The following FOXP1 variants were observed in gnomAD, a reference collection of about 807,000 sequenced individuals.
FOXP1 encodes forkhead box protein P1.
FOXP1 carries 15 observed loss-of-function variants against 98.2 expected under a neutral mutation model. The observed-to-expected ratio is 0.15, with a 90% confidence interval of 0.10 to 0.24. FOXP1 has a LOEUF of 0.24. Among genes scored for constraint, FOXP1 ranks in the 10% least tolerant of loss-of-function variants. The probability of loss-of-function intolerance (pLI) is 1.00; values close to 1 mark genes in which losing one functional copy is unlikely to be tolerated. For synonymous variants in FOXP1, 371 were observed against 314.5 expected, an observed-to-expected ratio of 1.18 and a Z score of -1.90; for missense variants, 633 against 848.5, an observed-to-expected ratio of 0.75 and a Z score of 3.15.
At chr3:71,339,645 T>C (rs2076898188) in intron 4 of FOXP1, among the ~76,000 whole-genome samples, 4 of 152,248 alleles carry the variant, frequency 2.6e-5, no homozygotes, top group Admixed American at 2.6e-4. Flanking sequence ...CCTACTGGGC[T>C]CAAATTAGCA....
chr3:71,114,374 C>T (rs75462074), intron 6 of FOXP1, among the ~76,000 whole-genome samples: 1,894 of 152,278 alleles, frequency 0.012, 30 homozygotes, highest in African/African-American at 0.036. Flanking sequence ...TGAGCAGACA[C>T]GTAAAAACGT....
chr3:71,357,195 C>G (rs950037160), intron 4 of FOXP1, among the ~76,000 whole-genome samples: 10 of 152,152 alleles, frequency 6.6e-5, no homozygotes, highest in Non-Finnish European at 1.3e-4. Flanking sequence ...TGCTAGTACT[C>G]AAGCCTTAAT....
intron 2 of FOXP1, among the ~76,000 whole-genome samples, chr3:71,543,760 C>T (rs1243388439): frequency 1.3e-5 from 2 of 152,236 alleles, no homozygotes; most frequent in Non-Finnish European, 1.5e-5. Flanking sequence ...ACTTCTGTGC[C>T]TGGAGCAGGC....
intron 5 of FOXP1, among the ~76,000 whole-genome samples, chr3:71,265,403 T>A (rs914795728): frequency 6.6e-6 from 1 of 152,078 alleles, no homozygotes; most frequent in Non-Finnish European, 1.5e-5. Context: ...GTTCCAGAAA[T>A]CCCTTGGTAG....
At chr3:71,271,212 A>G (rs1302139631) in intron 5 of FOXP1, among the ~76,000 whole-genome samples, 1 of 152,208 alleles carries the variant, frequency 6.6e-6, no homozygotes, top group Non-Finnish European at 1.5e-5. Context: ...TCTGGGTGAC[A>G]AGATCGAGAC....
chr3:71,367,955 T>A (rs1577160431), intron 3 of FOXP1, among the ~76,000 whole-genome samples: 1 of 152,216 alleles, frequency 6.6e-6, no homozygotes. Context: ...TATTGTCCTG[T>A]GAGAGCCAAT....
chr3:71,500,506 G>A (rs529121518), intron 2 of FOXP1, among the ~76,000 whole-genome samples: 1 of 152,212 alleles, frequency 6.6e-6, no homozygotes, highest in South Asian at 2.1e-4. Context: ...GAACACTCCA[G>A]AATCTCCCTT....
At position 71,015,794 on chromosome 3, in the gene FOXP1, T is replaced by C. The variant is rs138524284; in HGVS notation, c.870-141A>G. The C allele has an allele frequency of 2.0e-3, 1,238 of 625,260 alleles. 14 individuals are homozygous for C. The African/African-American group carries it at 0.02, about 10-fold the overall frequency. 38.7% of individuals were successfully genotyped at this position (625,260 alleles called of 1,614,324 possible). ...CTGTGATTTCCCCCATCCCATGTAA[T>C]TGACTAATTAATTCTGCATTGTTGC... On this transcript the variant is annotated intron_variant, in intron 11 of 20. Transcript: ENST00000649528.
At chr3:70,982,766 G>GA (rs2039085120) in intron 14 of FOXP1, among the ~76,000 whole-genome samples, 2 of 150,654 alleles carry the variant, frequency 1.3e-5, no homozygotes, top group South Asian at 4.2e-4. Context: ...AAGATGATGA[G>GA]TCACTCACAT....
chr3:71,470,600 C>T (rs912280740), intron 3 of FOXP1, among the ~76,000 whole-genome samples: 1 of 151,982 alleles, frequency 6.6e-6, no homozygotes, highest in African/African-American at 2.4e-5. Context: ...ATTAGCCAGA[C>T]GTGGTGTGCG....
chr3:71,198,038 T>G lies in FOXP1; in HGVS notation c.180+164A>C, dbSNP rs763034664. ...AGTCTCTTAAGCCAACTGCTGGGAC[T>G]CCTAGAGGGCTGATGGTTTATGAGA... is the stretch of plus-strand genomic sequence containing the variant. On this transcript the variant is annotated intron_variant, in intron 6 of 20. Transcript: ENST00000649528. The G allele has an allele frequency of 2.5e-6, 4 of 1,614,116 alleles. No homozygotes were observed. In the African/African-American group the frequency reaches 4.0e-5, roughly 16 times the overall value.
At chr3:71,256,195 G>A (rs567239206) in intron 5 of FOXP1, among the ~76,000 whole-genome samples, 12 of 152,230 alleles carry the variant, frequency 7.9e-5, no homozygotes, top group African/African-American at 1.7e-4. Flanking sequence ...TCCTCACATC[G>A]TCAAAGACAG....
chr3:71,049,065 A>G (rs2049451805), intron 9 of FOXP1, among the ~76,000 whole-genome samples: 1 of 152,184 alleles, frequency 6.6e-6, no homozygotes, highest in Non-Finnish European at 1.5e-5. Context: ...AACACAGGAT[A>G]CGGGTCCATT....
chr3:71,190,147 G>A (rs372569586), intron 6 of FOXP1, among the ~76,000 whole-genome samples: 11 of 152,106 alleles, frequency 7.2e-5, no homozygotes, highest in East Asian at 3.9e-4. Context: ...CCCATAAGCC[G>A]AACCCAATCT....
intron 5 of FOXP1, among the ~76,000 whole-genome samples, chr3:71,199,701 T>C (rs1042217866): frequency 3.3e-5 from 5 of 150,964 alleles, no homozygotes; most frequent in African/African-American, 9.8e-5. Context: ...GATCACGCCA[T>C]TGTACTCCAG....
chr3:71,329,222 T>C (rs905019260), intron 4 of FOXP1, among the ~76,000 whole-genome samples: 3 of 151,544 alleles, frequency 2.0e-5, no homozygotes, highest in African/African-American at 7.3e-5. Flanking sequence ...CCTCTTTTTT[T>C]TTCTTTTTCT....
chr3:71,022,146 A>G (rs1036357234), intron 11 of FOXP1, among the ~76,000 whole-genome samples: 1 of 152,134 alleles, frequency 6.6e-6, no homozygotes, highest in African/African-American at 2.4e-5. Context: ...GATATGAGTC[A>G]GGGGTCCAAG....
intron 5 of FOXP1, among the ~76,000 whole-genome samples, chr3:71,273,187 T>C (rs1309893511): frequency 6.6e-6 from 1 of 152,180 alleles, no homozygotes; most frequent in Non-Finnish European, 1.5e-5. Flanking sequence ...CAGGTTTGTG[T>C]GAGGAATCAG....
At chr3:71,414,170 G>A (rs1342225251) in intron 3 of FOXP1, among the ~76,000 whole-genome samples, 1 of 151,760 alleles carries the variant, frequency 6.6e-6, no homozygotes, top group African/African-American at 2.4e-5. Context: ...TTTTTCAGAT[G>A]CAGTTTTAAA....
Sources: gnomAD v4.1 joint callset for allele counts (sites outside exome capture counted in the v4.1 genomes callset) on GRCh38, gnomAD v4.1.1 for gene constraint, MANE v1.5 for transcripts, NCBI Gene and HGNC (gene_info 2026-07-23, HGNC 2026-07-21) for gene names.